Variants in LMBRD1 observed in about 807,000 individuals in gnomAD.
The protein encoded by LMBRD1 is lysosomal cobalamin transport escort protein LMBD1.
Under a neutral mutation model 74.8 loss-of-function variants are expected in LMBRD1, and 64 were observed. The observed-to-expected ratio is 0.86, with a 90% confidence interval of 0.70 to 1.05. The LOEUF is 1.05. Ranked by LOEUF, LMBRD1 falls within the 50% of genes least tolerant of loss-of-function variation. The pLI, the probability that LMBRD1 is intolerant of heterozygous loss-of-function variation, is 0.00. For missense variants in LMBRD1, 652 were observed against 645.9 expected, an observed-to-expected ratio of 1.01 and a Z score of -0.10; for synonymous variants, 204 against 216.3, an observed-to-expected ratio of 0.94 and a Z score of 0.50.
chr6:69,696,983 A>AT (rs1766016805), intron 14 of LMBRD1, among the ~76,000 whole-genome samples: 1 of 151,952 alleles, frequency 6.6e-6, no homozygotes, highest in Admixed American at 6.6e-5. Context: ...TAAGAATACT[A>AT]TAACATTCAA....
At chr6:69,676,693 C>A in intron 14 of LMBRD1, 152 bp from the exon 15 acceptor site, 1 of 699,268 alleles carries the variant, frequency 1.4e-6, no homozygotes, top group South Asian at 1.6e-5. Flanking sequence ...GGTCTCTCTC[C>A]AAAGCCCACT....
chr6:69,739,745 G>A, intron 6 of LMBRD1, among the ~76,000 whole-genome samples: 2 of 151,212 alleles, frequency 1.3e-5, no homozygotes, highest in Non-Finnish European at 2.9e-5. Flanking sequence ...ACTGCAATCA[G>A]TTACAATGAC....
At chr6:69,705,937 GT>G in intron 9 of LMBRD1, 2 of 1,193,962 alleles carry the variant, frequency 1.7e-6, no homozygotes, top group Non-Finnish European at 2.5e-6. Context: ...AGTTGCCAGT[GT>G]TACTTTAATT....
intron 3 of LMBRD1, among the ~76,000 whole-genome samples, chr6:69,779,530 G>C (rs1352705595): frequency 6.6e-6 from 1 of 152,104 alleles, no homozygotes. Flanking sequence ...GAGTAAAGTT[G>C]ATAGTACAAA....
chr6:69,734,859 T>C (rs1387480836), intron 7 of LMBRD1, among the ~76,000 whole-genome samples: 1 of 152,160 alleles, frequency 6.6e-6, no homozygotes, highest in Non-Finnish European at 1.5e-5. Flanking sequence ...TTAGGAAAGA[T>C]TAATAAAAAC....
chr6:69,759,144 A>T (rs537238420), intron 3 of LMBRD1, among the ~76,000 whole-genome samples: 2 of 152,324 alleles, frequency 1.3e-5, no homozygotes, highest in African/African-American at 4.8e-5. Context: ...ACCACTCAAA[A>T]TTACTAATAA....
intron 3 of LMBRD1, among the ~76,000 whole-genome samples, chr6:69,766,374 TC>T (rs1360725039): frequency 6.6e-6 from 1 of 151,984 alleles, no homozygotes; most frequent in African/African-American, 2.4e-5. Context: ...TAATCAATGA[TC>T]GATACTGGAA....
intron 3 of LMBRD1, among the ~76,000 whole-genome samples, chr6:69,773,227 G>C (rs949164761): frequency 2.6e-5 from 4 of 152,034 alleles, no homozygotes; most frequent in Non-Finnish European, 5.9e-5. Flanking sequence ...CATCTGAGTG[G>C]GTTCATTATA....
rs1363495278 is a variant in LMBRD1 at position 69,738,018 on chromosome 6, G to A, written c.563-3C>T. 5.6e-6 allele frequency: 9 copies of A among 1,603,478 alleles called. No homozygotes were observed. Among genetic ancestry groups the A allele is most frequent in the Non-Finnish European group, 6.8e-6 (8 of 1,172,782 alleles). On this transcript the variant is annotated splice_polypyrimidine_tract_variant and splice_region_variant and intron_variant, in intron 6 of 15. Coordinates refer to ENST00000649934, the MANE Select transcript of LMBRD1 (RefSeq NM_018368.4). ...AAATGACAATGCAGCTAAACCATCT[G>A]TGAAGAAAGAAAAACTGTTAAAAAT...
intron 3 of LMBRD1, among the ~76,000 whole-genome samples, chr6:69,775,033 G>C (rs6938622): frequency 1.2e-5 from 1 of 81,248 alleles, no homozygotes; most frequent in South Asian, 4.1e-4. Context: ...GAGGGAGGGA[G>C]GGAAGGAAGG....
intron 3 of LMBRD1, among the ~76,000 whole-genome samples, chr6:69,767,148 T>C (rs913329408): frequency 8.6e-5 from 13 of 151,926 alleles, no homozygotes; most frequent in Non-Finnish European, 1.9e-4. Flanking sequence ...CTGATTTCTT[T>C]TTTTTCAAAG....
At position 69,797,000 on chromosome 6, in the gene LMBRD1, G is replaced by A. The variant is rs1456146862; in HGVS notation, c.-119C>T. On this transcript the variant is annotated 5_prime_UTR_variant, in exon 1 of 16. Coordinates refer to ENST00000649934, the MANE Select transcript of LMBRD1 (RefSeq NM_018368.4). ...CCTAAAGGTTAAAGGGGCGGAGGGG[G>A]AGGAGCAAGTGGTTGCCAAGGAGAC... 2.3e-6 allele frequency: 2 copies of A among 869,520 alleles called. No individual in the cohort carries two copies. The highest frequency in any genetic ancestry group is 3.7e-6 in the Non-Finnish European group (2 of 543,534). The allele number at this position is 869,520 out of a possible 1,614,324, so 53.9% of individuals were successfully genotyped here.
intron 8 of LMBRD1, among the ~76,000 whole-genome samples, chr6:69,716,868 T>C (rs1302489477): frequency 6.8e-6 from 1 of 147,630 alleles, no homozygotes; most frequent in Non-Finnish European, 1.5e-5. Context: ...ACTTTAATTA[T>C]TAAATAAATA....
At position 69,674,200 on chromosome 6, in the gene LMBRD1, A is replaced by G. The variant is rs1385887410; in HGVS notation, c.*1958T>C. Among the ~76,000 whole-genome samples the G allele has an allele frequency of 6.6e-6, 1 of 152,164 alleles. No individual in the cohort carries two copies. The highest frequency in any genetic ancestry group is 1.5e-5 in the Non-Finnish European group (1 of 68,030). ...AGATGTCTCTCCCCCTTCTTATAAG[A>G]ACACCAGTCATATTGGATTTGGGCT... is the stretch of plus-strand genomic sequence containing the variant. On this transcript the variant is annotated 3_prime_UTR_variant, in exon 16 of 16. Transcript: ENST00000649934.
intron 7 of LMBRD1, 138 bp from the exon 8 acceptor site, chr6:69,719,219 G>C: frequency 1.4e-6 from 1 of 714,606 alleles, no homozygotes; most frequent in Non-Finnish European, 2.4e-6. Flanking sequence ...ATGGTATATG[G>C]GAGTGAACAT....
chr6:69,728,247 C>A (rs369526735), intron 7 of LMBRD1, among the ~76,000 whole-genome samples: 1 of 152,124 alleles, frequency 6.6e-6, no homozygotes, highest in Non-Finnish European at 1.5e-5. Flanking sequence ...GACAGTACTA[C>A]GAGGATGGTG....
intron 3 of LMBRD1, among the ~76,000 whole-genome samples, chr6:69,765,084 C>T (rs1443502185): frequency 6.6e-6 from 1 of 151,996 alleles, no homozygotes; most frequent in Non-Finnish European, 1.5e-5. Context: ...GAGCCTGCCA[C>T]CACGCCCAGC....
At position 69,774,922 on chromosome 6, in the gene LMBRD1, G is replaced by A. The variant is rs557480644; in HGVS notation, c.307+5572C>T. 1.0e-4 allele frequency among the ~76,000 whole-genome samples: 14 copies of A among 138,866 alleles called. No individual in the cohort carries two copies. In the South Asian group the frequency reaches 2.7e-3, roughly 27 times the overall value. The allele number at this position is 138,866 out of a possible 152,430, so 91.1% of individuals were successfully genotyped here. On this transcript the variant is annotated intron_variant, in intron 3 of 15. Transcript: ENST00000649934. ...TACAATGAGCTATGATCACGCCACCGCACTCCTGCCCAAAATACAGTGAGA... is the reference window on the plus strand; with the variant it reads ...TACAATGAGCTATGATCACGCCACCACACTCCTGCCCAAAATACAGTGAGA...
chr6:69,736,127 C>T (rs1403454012), intron 7 of LMBRD1, among the ~76,000 whole-genome samples: 1 of 152,026 alleles, frequency 6.6e-6, no homozygotes, highest in Non-Finnish European at 1.5e-5. Flanking sequence ...ACCAATTGAC[C>T]ACTGGGAGAC....
Sources: gnomAD v4.1 joint callset for allele counts (sites outside exome capture counted in the v4.1 genomes callset) on GRCh38, gnomAD v4.1.1 for gene constraint, MANE v1.5 for transcripts, NCBI Gene and HGNC (gene_info 2026-07-23, HGNC 2026-07-21) for gene names.